Variants in GABRB1 observed in about 807,000 individuals in gnomAD.
GABRB1 encodes gamma-aminobutyric acid receptor subunit beta-1.
A neutral mutation model predicts 51.6 loss-of-function variants in GABRB1; 17 were observed. That is an observed-to-expected ratio of 0.33 (90% CI 0.23 to 0.49). The LOEUF is 0.49. Among genes scored for constraint, GABRB1 ranks in the 20% least tolerant of loss-of-function variants. GABRB1 has a pLI of 0.99. For missense variants in GABRB1, 410 were observed against 600.6 expected (o/e 0.68, Z 3.32); for synonymous variants, 247 against 218.9 (o/e 1.13, Z -1.14).
intron 5 of GABRB1, among the ~76,000 whole-genome samples, chr4:47,320,793 G>A (rs1366759563): frequency 1.4e-5 from 2 of 143,290 alleles, no homozygotes; most frequent in African/African-American, 2.6e-5. Context: ...TTTTTGAGAC[G>A]GAGTCCCACT....
intron 4 of GABRB1, among the ~76,000 whole-genome samples, chr4:47,240,956 C>A (rs1407501150): frequency 6.6e-6 from 1 of 152,102 alleles, no homozygotes; most frequent in Non-Finnish European, 1.5e-5. Flanking sequence ...TGTACATACT[C>A]ATTAAAATGG....
chr4:47,169,922 T>G (rs781183865), intron 4 of GABRB1, among the ~76,000 whole-genome samples: 1 of 152,136 alleles, frequency 6.6e-6, no homozygotes, highest in African/African-American at 2.4e-5. Context: ...GTATGGTGAT[T>G]TCACTGCTCA....
At chr4:47,272,104 T>TA (rs1291690454) in intron 4 of GABRB1, among the ~76,000 whole-genome samples, 1 of 152,198 alleles carries the variant, frequency 6.6e-6, no homozygotes, top group Admixed American at 6.5e-5. Flanking sequence ...GTTAGTTCTA[T>TA]AGGATTTAGA....
Position 47,103,022 on chromosome 4 carries a change from T to TA in GABRB1, c.241-58227_241-58226insA, listed in dbSNP as rs547791895. 1.3e-3 allele frequency among the ~76,000 whole-genome samples: 204 copies of TA among 151,850 alleles called. 1 individual carries two copies. Among genetic ancestry groups the TA allele is most frequent in the African/African-American group, 4.8e-3 (197 of 41,452 alleles). On this transcript the variant is annotated intron_variant, in intron 3 of 8. Transcript: ENST00000295454. ...TTTCCTATGTGGACAGCTGGATGAGTTGTTGTGCATTCTATGACATATGGA... is the reference window on the plus strand; with the variant it reads ...TTTCCTATGTGGACAGCTGGATGAGTATGTTGTGCATTCTATGACATATGGA...
At chr4:47,412,991 T>C (rs1312231187) in intron 8 of GABRB1, among the ~76,000 whole-genome samples, 1 of 152,226 alleles carries the variant, frequency 6.6e-6, no homozygotes, top group South Asian at 2.1e-4. Flanking sequence ...TTCTCTGTAC[T>C]GTACTCGGGT....
intron 5 of GABRB1, among the ~76,000 whole-genome samples, chr4:47,354,976 C>CTTTT (rs1553877819): frequency 3.6e-5 from 3 of 82,472 alleles, no homozygotes; most frequent in African/African-American, 1.0e-4. Context: ...TTCTTTCTTC[C>CTTTT]TTTGTTTTTT....
intron 4 of GABRB1, among the ~76,000 whole-genome samples, chr4:47,256,995 A>G (rs1722229755): frequency 6.6e-6 from 1 of 152,096 alleles, no homozygotes; most frequent in African/African-American, 2.4e-5. Flanking sequence ...GTTATCTTCC[A>G]CTTGCCACTT....
chr4:47,183,446 T>C (rs1719043707), intron 4 of GABRB1, among the ~76,000 whole-genome samples: 1 of 150,288 alleles, frequency 6.7e-6, no homozygotes, highest in African/African-American at 2.4e-5. Context: ...TAGTTCTCCT[T>C]TCTTGATTCA....
chr4:47,240,587 T>G (rs1721483901), intron 4 of GABRB1, among the ~76,000 whole-genome samples: 1 of 152,210 alleles, frequency 6.6e-6, no homozygotes, highest in South Asian at 2.1e-4. Flanking sequence ...ACGAAGATAT[T>G]TCTATAGCTC....
chr4:47,357,628 G>A (rs6854906), intron 5 of GABRB1, among the ~76,000 whole-genome samples: 62,490 of 152,012 alleles, frequency 0.41, 13,394 homozygotes, highest in Middle Eastern at 0.47. Context: ...TACAAGAGAA[G>A]CCCCATAACA....
At chr4:47,180,050 A>G (rs1012265816) in intron 4 of GABRB1, among the ~76,000 whole-genome samples, 14 of 152,128 alleles carry the variant, frequency 9.2e-5, no homozygotes, top group Admixed American at 3.9e-4. Context: ...AAAAAAGAAA[A>G]AAATTAAGAG....
intron 4 of GABRB1, among the ~76,000 whole-genome samples, chr4:47,246,793 T>C (rs1397833002): frequency 6.6e-6 from 1 of 152,104 alleles, no homozygotes; most frequent in Non-Finnish European, 1.5e-5. Context: ...CATTGAGCAT[T>C]TTTTCATATG....
At chr4:47,258,833 A>C (rs1431573435) in intron 4 of GABRB1, among the ~76,000 whole-genome samples, 5 of 152,204 alleles carry the variant, frequency 3.3e-5, no homozygotes, top group African/African-American at 9.6e-5. Flanking sequence ...ATGATGCAAT[A>C]GCATAGTGTA....
intron 5 of GABRB1, among the ~76,000 whole-genome samples, chr4:47,382,197 G>C (rs1013480929): frequency 1.3e-5 from 2 of 152,246 alleles, no homozygotes; most frequent in Admixed American, 1.3e-4. Context: ...ATAGCTATAG[G>C]CCAGGGTTTT....
In GABRB1 at chr4:47,161,322, A is replaced by G; in HGVS notation, c.314A>G (p.Asn105Ser). 1 of 1,612,598 alleles carries G rather than the reference A, an allele frequency of 6.2e-7. No individual in the cohort carries two copies. Among genetic ancestry groups the G allele is most frequent in the Non-Finnish European group, 8.5e-7 (1 of 1,179,204 alleles). ...KRLSYSGIPL[N>S]LTLDNRVADQ... Reference sequence around the variant, plus strand: ...CTTTCTTATTCTGGAATCCCACTGAACCTCACCCTAGACAATAGGGTAGCT... The same window carrying G: ...CTTTCTTATTCTGGAATCCCACTGAGCCTCACCCTAGACAATAGGGTAGCT... Residue 105 changes from asparagine to serine, a missense_variant, in exon 4 of 9, where the codon AAC becomes AGC. This residue lies in a region of GABRB1 where 100 missense variants were observed against 184.3 expected (regional missense o/e 0.54). Coordinates refer to ENST00000295454, the MANE Select transcript of GABRB1 (RefSeq NM_000812.4).
At chr4:47,229,846 A>AT (rs984239198) in intron 4 of GABRB1, among the ~76,000 whole-genome samples, 1 of 152,014 alleles carries the variant, frequency 6.6e-6, no homozygotes, top group Non-Finnish European at 1.5e-5. Context: ...CAAGAAATGG[A>AT]TTTTTTCACT....
At chr4:47,082,698 G>A (rs530622306) in intron 3 of GABRB1, among the ~76,000 whole-genome samples, 10 of 152,070 alleles carry the variant, frequency 6.6e-5, no homozygotes, top group African/African-American at 2.4e-4. Flanking sequence ...TTTAAAGTAG[G>A]GATACTGGGG....
intron 4 of GABRB1, among the ~76,000 whole-genome samples, chr4:47,161,786 C>T (rs1413166826): frequency 6.6e-6 from 1 of 151,948 alleles, no homozygotes; most frequent in Non-Finnish European, 1.5e-5. Context: ...ACAGATGAAA[C>T]CTATATATTC....
chr4:47,058,219 A>C (rs1726701280), intron 3 of GABRB1, among the ~76,000 whole-genome samples: 1 of 152,198 alleles, frequency 6.6e-6, no homozygotes, highest in Non-Finnish European at 1.5e-5. Context: ...TCTGTGCAGA[A>C]GGGTCGGTCC....
Sources: allele counts gnomAD v4.1 joint callset (sites outside exome capture counted in the v4.1 genomes callset), GRCh38; gene constraint gnomAD v4.1.1; regional missense constraint gnomAD v4.1.1; transcripts MANE v1.5; gene names NCBI Gene and HGNC (gene_info 2026-07-23, HGNC 2026-07-21).